The following DLG2 variants were observed in gnomAD, a reference collection of about 807,000 sequenced individuals.
DLG2 encodes the protein discs large MAGUK scaffold protein 2, also known as disks large homolog 2.
A neutral mutation model predicts 132.5 loss-of-function variants in DLG2; 45 were observed. The ratio of observed to expected loss-of-function variants is 0.34; its 90% CI spans 0.27 to 0.44. The LOEUF (loss-of-function observed/expected upper bound fraction) is 0.44. DLG2 is among the 20% of genes least tolerant of loss of function. The pLI is 1.00. For missense variants in DLG2, 1,045 were observed against 1,196.9 expected (o/e 0.87, Z 1.87); for synonymous variants, 424 against 419.6 (o/e 1.01, Z -0.13).
chr11:84,854,311 C>CA (rs2082511464), intron 6 of DLG2, among the ~76,000 whole-genome samples: 1 of 148,746 alleles, frequency 6.7e-6, no homozygotes, highest in South Asian at 2.1e-4. Context: ...AAAAGTTTTT[C>CA]TTTTTTTTTT....
intron 7 of DLG2, among the ~76,000 whole-genome samples, chr11:84,453,872 G>T (rs1412910388): frequency 6.6e-6 from 1 of 151,572 alleles, no homozygotes; most frequent in Non-Finnish European, 1.5e-5. Context: ...AGGGTCTGTA[G>T]CCTCTGTGAA....
intron 18 of DLG2, among the ~76,000 whole-genome samples, chr11:83,662,677 GTCCTCTGCAC>G: frequency 6.6e-6 from 1 of 152,228 alleles, no homozygotes; most frequent in South Asian, 2.1e-4. Context: ...CTTGCTACTG[GTCCTCTGCAC>G]TGTTCCTTAA....
At chr11:83,850,160 G>GTGTGTGTGTGTGTGTGTTTT (rs1452960432) in intron 16 of DLG2, among the ~76,000 whole-genome samples, 3 of 124,302 alleles carry the variant, frequency 2.4e-5, no homozygotes, top group African/African-American at 1.1e-4. Context: ...GTGTGTGTGT[G>GTGTGTGTGTGTGTGTGTTTT]TTTTTTTACT....
At chr11:84,104,978 G>A (rs770782791) in intron 9 of DLG2, among the ~76,000 whole-genome samples, 2 of 151,150 alleles carry the variant, frequency 1.3e-5, no homozygotes, top group Non-Finnish European at 2.9e-5. Context: ...GCTGAGAGGA[G>A]TGAAGTAACT....
At chr11:85,264,449 T>C (rs1412602335) in intron 4 of DLG2, among the ~76,000 whole-genome samples, 2 of 152,134 alleles carry the variant, frequency 1.3e-5, no homozygotes, top group Non-Finnish European at 2.9e-5. Context: ...AAAACAGTAA[T>C]ATTTAAAGAA....
intron 6 of DLG2, among the ~76,000 whole-genome samples, chr11:85,052,919 T>C (rs1386124209): frequency 6.6e-6 from 1 of 152,170 alleles, no homozygotes; most frequent in African/African-American, 2.4e-5. Context: ...CATTTCACTG[T>C]TCCTAGCTAA....
At chr11:85,509,562 C>T (rs766558685) in intron 3 of DLG2, among the ~76,000 whole-genome samples, 1 of 152,046 alleles carries the variant, frequency 6.6e-6, no homozygotes. Context: ...GACAAACACA[C>T]GTTCTAGCTG....
At chr11:84,092,894 G>A (rs981787249) in intron 10 of DLG2, among the ~76,000 whole-genome samples, 1 of 151,956 alleles carries the variant, frequency 6.6e-6, no homozygotes, top group African/African-American at 2.4e-5. Flanking sequence ...AAATTAGCTG[G>A]GTGTGGTGGC....
chr11:84,728,640 G>C (rs55957447), intron 6 of DLG2, among the ~76,000 whole-genome samples: 2,265 of 152,162 alleles, frequency 0.015, 67 homozygotes, highest in African/African-American at 0.051. Flanking sequence ...TTTTTCTATT[G>C]TTTGGAATAG....
chr11:84,128,011 A>G (rs905115255), intron 9 of DLG2, among the ~76,000 whole-genome samples: 1 of 152,226 alleles, frequency 6.6e-6, no homozygotes, highest in Non-Finnish European at 1.5e-5. Flanking sequence ...GCTTATTTAT[A>G]TTATAGATGT....
chr11:84,865,097 T>C (rs1346290926), intron 6 of DLG2, among the ~76,000 whole-genome samples: 1 of 152,118 alleles, frequency 6.6e-6, no homozygotes, highest in African/African-American at 2.4e-5. Flanking sequence ...ATAACAAATA[T>C]ATAAAAGGTT....
chr11:85,355,499 T>C (rs1342411566), intron 3 of DLG2, among the ~76,000 whole-genome samples: 1 of 152,168 alleles, frequency 6.6e-6, no homozygotes, highest in Non-Finnish European at 1.5e-5. Flanking sequence ...GTTGCTCATG[T>C]TTAAAAGAAA....
At position 83,619,079 on chromosome 11, in the gene DLG2, T is replaced by C. The variant is rs1591058267; in HGVS notation, c.1940+14132A>G. ...CCCGTATCCATTCCATCATACTTGC[T>C]CTAAGGCAGTCAGAAGATCCTGCAA... On this transcript the variant is annotated intron_variant, in intron 19 of 27. Coordinates refer to ENST00000376104, the MANE Select transcript of DLG2 (RefSeq NM_001142699.3). Among the ~76,000 whole-genome samples, 5 of 152,308 alleles carry C rather than the reference T, an allele frequency of 3.3e-5. No homozygotes were observed. In the South Asian group the frequency reaches 6.2e-4, roughly 19 times the overall value.
rs192447411 is a variant in DLG2 at position 84,413,664 on chromosome 11, G to A, written c.519+120906C>T. On this transcript the variant is annotated intron_variant, in intron 7 of 27. Transcript: ENST00000376104. Reference sequence around the variant, plus strand: ...TCATACTTAGTAAAATCCCTGCAGGGTTCAGTCACAGGTTCTCAGAACACA... The same window carrying A: ...TCATACTTAGTAAAATCCCTGCAGGATTCAGTCACAGGTTCTCAGAACACA... Among the ~76,000 whole-genome samples, 6 of 152,238 alleles carry A rather than the reference G, an allele frequency of 3.9e-5. No individual in the cohort carries two copies. The East Asian group carries it at 7.7e-4, about 20-fold the overall frequency.
chr11:84,562,151 C>T lies in DLG2; in HGVS notation c.358-27420G>A, dbSNP rs998421786. ...AATGACCCTTGATCTAGAAGGAACT[C>T]CAAGATATCCTTTGGTTCAGTCCCC... On this transcript the variant is annotated intron_variant, in intron 6 of 27. Transcript: ENST00000376104. Among the ~76,000 whole-genome samples, 26 of 152,032 alleles carry T rather than the reference C, an allele frequency of 1.7e-4. No homozygotes were observed. In the South Asian group the frequency reaches 5.0e-3, roughly 29 times the overall value.
intron 7 of DLG2, among the ~76,000 whole-genome samples, chr11:84,398,860 G>A (rs546010563): frequency 6.6e-6 from 1 of 152,244 alleles, no homozygotes; most frequent in South Asian, 2.1e-4. Context: ...TTCTATACCC[G>A]GAATTACTGT....
At chr11:84,640,064 A>T in intron 6 of DLG2, 1 of 307,300 alleles carries the variant, frequency 3.3e-6, no homozygotes, top group Non-Finnish European at 6.1e-6. Context: ...AGGGACACAC[A>T]GTTATTGTGA....
At chr11:84,480,842 G>A (rs1165852711) in intron 7 of DLG2, among the ~76,000 whole-genome samples, 3 of 150,578 alleles carry the variant, frequency 2.0e-5, no homozygotes, top group Non-Finnish European at 3.0e-5. Flanking sequence ...GGGTTCAAGC[G>A]ATTCTCCTGT....
intron 8 of DLG2, among the ~76,000 whole-genome samples, chr11:84,206,822 G>C (rs928802153): frequency 2.0e-5 from 3 of 150,996 alleles, no homozygotes; most frequent in African/African-American, 7.4e-5. Context: ...AAATGACTTT[G>C]TTTGCAGATG....
Sources: gnomAD v4.1 joint callset for allele counts (sites outside exome capture counted in the v4.1 genomes callset) on GRCh38, gnomAD v4.1.1 for gene constraint, MANE v1.5 for transcripts, NCBI Gene and HGNC (gene_info 2026-07-23, HGNC 2026-07-21) for gene names.